CSPG5: variants seen among roughly 807,000 people sequenced by gnomAD.
The protein encoded by CSPG5 is acidic leucine-rich EGF-like domain-containing brain protein.
A neutral mutation model predicts 39.8 loss-of-function variants in CSPG5; 25 were observed. The observed-to-expected ratio is 0.63, with a 90% CI of 0.46 to 0.88. CSPG5 has a LOEUF of 0.88. CSPG5 is among the 40% of genes least tolerant of loss of function. CSPG5 has a pLI of 0.00. For synonymous variants in CSPG5, 295 were observed against 303.9 expected, an observed-to-expected ratio of 0.97 and a Z score of 0.31; for missense variants, 627 against 702.2, an observed-to-expected ratio of 0.89 and a Z score of 1.21.
In CSPG5 at chr3:47,572,798, C is replaced by T. The variant is rs763059345; in HGVS notation, c.1270G>A (p.Val424Met). ...SIITDFQVMC[V>M]AVGSAALVLL... ...ACGAGGGCAGCCGAGCCCACGGCCA[C>T]GCACATCACCTGGAAGTCGGTGATG... The change falls in exon 3 of 5, where the codon GTG becomes ATG. Residue 424 changes from valine (V) to methionine (M), a missense_variant. Physicochemically the swap from Val to Met is conservative, Grantham distance 21. Transcript: ENST00000264723. This position sits in a 1 kb window ranked among gnomAD's most constrained non-coding sequence, Gnocchi z 4.5. 9 of 1,614,116 alleles carry T rather than the reference C, an allele frequency of 5.6e-6. No homozygotes were observed. The highest frequency in any genetic ancestry group is 1.7e-4 in the Middle Eastern group (1 of 6,060).
In CSPG5 at chr3:47,562,474, C is replaced by T; in HGVS notation, c.*126G>A. On this transcript the variant is annotated 3_prime_UTR_variant, in exon 5 of 5. Coordinates refer to ENST00000264723, the MANE Select transcript of CSPG5 (RefSeq NM_006574.4). ...CTGTACAAAATACATAAAAGCATGC[C>T]ATGAGATCAGAAAAAGAAAAGAGTT... 1.0e-6 allele frequency: 1 copy of T among 960,238 alleles called. No homozygotes were observed. The highest frequency in any genetic ancestry group is 1.5e-6 in the Non-Finnish European group (1 of 650,902). 59.5% of individuals were successfully genotyped at this position (960,238 alleles called of 1,614,324 possible).
chr3:47,579,815 G>T (rs1469403863), upstream of CSPG5: 1 of 152,272 alleles, frequency 6.6e-6, no homozygotes, highest in African/African-American at 2.4e-5. This position sits in a 1 kb window ranked among gnomAD's most constrained non-coding sequence, Gnocchi z 4.2. Context: ...CTGCTTAGTC[G>T]GCAGGAGGAA....
intron 2 of CSPG5, among the ~76,000 whole-genome samples, chr3:47,575,054 C>T (rs1477843241): frequency 6.6e-6 from 1 of 152,178 alleles, no homozygotes; most frequent in Non-Finnish European, 1.5e-5. Context: ...TATACTACAT[C>T]AAGACCTAAG....
At chr3:47,562,782 G>C (rs9842590) in intron 4 of CSPG5, 21 bp from the exon 5 acceptor site, 49 of 1,566,944 alleles carry the variant, frequency 3.1e-5, no homozygotes, top group Middle Eastern at 2.0e-4. Context: ...GAAAAAGTTG[G>C]GGGGGGGGAG....
In CSPG5 at chr3:47,577,940, A is replaced by G. The variant is rs1429983721; in HGVS notation, c.98-12T>C. The G allele has an allele frequency of 1.4e-6, 2 of 1,412,280 alleles. No homozygotes were observed. The highest frequency in any genetic ancestry group is 1.8e-6 in the Non-Finnish European group (2 of 1,095,746). The allele number at this position is 1,412,280 out of a possible 1,614,324, so 87.5% of individuals were successfully genotyped here. A position where few individuals can be genotyped will look rare whatever the true frequency, so the allele number is the denominator to read the frequency against. On this transcript the variant is annotated splice_polypyrimidine_tract_variant and intron_variant, in intron 1 of 4. Coordinates refer to ENST00000264723, the MANE Select transcript of CSPG5 (RefSeq NM_006574.4). This position sits in a 1 kb window ranked among gnomAD's most constrained non-coding sequence, Gnocchi z 4.7. ...GCCCGCCTCACGCGCTGCGGGCGGG[A>G]GGGCAAGGGGCGGGACGTCAGGGCG...
chr3:47,575,769 C>T (rs561397567), intron 2 of CSPG5, among the ~76,000 whole-genome samples: 86 of 152,156 alleles, frequency 5.7e-4, no homozygotes, highest in Middle Eastern at 3.4e-3. Flanking sequence ...CCCCTCCTCC[C>T]GCCGAGCACA....
intron 4 of CSPG5, among the ~76,000 whole-genome samples, chr3:47,563,307 T>G (rs2031161643): frequency 6.6e-6 from 1 of 152,200 alleles, no homozygotes; most frequent in Non-Finnish European, 1.5e-5. Flanking sequence ...CAAAGATGTG[T>G]CAGCCTCTCA....
rs1252282415 is a variant in CSPG5, at chr3:47,572,993, A to T, written c.1194-119T>A. On this transcript the variant is annotated intron_variant, in intron 2 of 4. Coordinates refer to ENST00000264723, the MANE Select transcript of CSPG5 (RefSeq NM_006574.4). The surrounding 1 kb of genome is among the most constrained non-coding windows in gnomAD (Gnocchi z 4.5). ...GCCTGTTCCGAAGGCCATCTAGAGGAACTGCAATGCTCCGAATCTGCACAG... is the reference window on the plus strand; with the variant it reads ...GCCTGTTCCGAAGGCCATCTAGAGGTACTGCAATGCTCCGAATCTGCACAG... 1.3e-6 allele frequency: 1 copy of T among 771,828 alleles called. No individual in the cohort carries two copies. Among genetic ancestry groups the T allele is most frequent in the Non-Finnish European group, 2.1e-6 (1 of 487,638 alleles). The allele number at this position is 771,828 out of a possible 1,614,324, so 47.8% of individuals were successfully genotyped here.
chr3:47,566,707 G>A (rs1318129373), intron 4 of CSPG5, among the ~76,000 whole-genome samples: 2 of 152,210 alleles, frequency 1.3e-5, no homozygotes, highest in African/African-American at 4.8e-5. Flanking sequence ...CCAGCCTCAA[G>A]ATCCAAGAGG....
intron 3 of CSPG5, among the ~76,000 whole-genome samples, chr3:47,571,817 C>T (rs1275045800): frequency 1.3e-5 from 2 of 152,154 alleles, no homozygotes; most frequent in African/African-American, 4.8e-5. Context: ...TCTCTGGGGT[C>T]CCAAGGAAGC....
rs544485705 is a variant in CSPG5 at position 47,574,929 on chromosome 3, A to G, written c.1193+1904T>C. Among the ~76,000 whole-genome samples the G allele has an allele frequency of 2.6e-5, 4 of 152,258 alleles. No homozygotes were observed. In the South Asian group the frequency reaches 8.3e-4, roughly 32 times the overall value. ...ACTCCAGCCTGGACGACAGAGTGAG[A>G]CTCCGTCTCTAAAAACAACAACAAC... On this transcript the variant is annotated intron_variant, in intron 2 of 4. Coordinates refer to ENST00000264723, the MANE Select transcript of CSPG5 (RefSeq NM_006574.4).
chr3:47,569,000 G>T, intron 4 of CSPG5, 152 bp downstream of exon 4: 1 of 1,349,348 alleles, frequency 7.4e-7, no homozygotes, highest in Non-Finnish European at 9.8e-7. Flanking sequence ...TTCATATTCT[G>T]AAATAGACAT....
At chr3:47,568,509 G>A (rs1196109787) in intron 4 of CSPG5, among the ~76,000 whole-genome samples, 2 of 152,224 alleles carry the variant, frequency 1.3e-5, no homozygotes, top group Non-Finnish European at 2.9e-5. Flanking sequence ...TTAACCAGCT[G>A]TGTATAACCC....
chr3:47,564,716 G>A (rs2031224081), intron 4 of CSPG5, among the ~76,000 whole-genome samples: 1 of 152,026 alleles, frequency 6.6e-6, no homozygotes, highest in Admixed American at 6.6e-5. Context: ...AAAAAGTAAG[G>A]GGTAGAACAT....
At position 47,577,682 on chromosome 3, in the gene CSPG5, G is replaced by T; in HGVS notation, c.344C>A (p.Ala115Glu). The T allele has an allele frequency of 1.3e-6, 2 of 1,593,620 alleles. No homozygotes were observed. The highest frequency in any genetic ancestry group is 1.1e-5 in the South Asian group (1 of 88,022). ...SPGLGGVTAE[A>E]GSGDAQALPA... ...AAGGGCCTGGGCATCGCCGCTGCCC[G>T]CCTCTGCGGTCACTCCTCCCAGGCC... Residue 115 changes from alanine to glutamate, a missense_variant, in exon 2 of 5, where the codon GCG becomes GAG. Transcript: ENST00000264723. The surrounding 1 kb of genome is among the most constrained non-coding windows in gnomAD (Gnocchi z 4.7).
At chr3:47,566,346 C>T (rs1421387733) in intron 4 of CSPG5, among the ~76,000 whole-genome samples, 1 of 152,210 alleles carries the variant, frequency 6.6e-6, no homozygotes, top group Admixed American at 6.5e-5. Context: ...CCCGTATCAT[C>T]TGGAGGATCT....
intron 2 of CSPG5, among the ~76,000 whole-genome samples, chr3:47,575,637 C>T (rs1488796903): frequency 6.6e-6 from 1 of 152,224 alleles, no homozygotes; most frequent in Non-Finnish European, 1.5e-5. Flanking sequence ...AACACCCGCA[C>T]ATCTGCAATG....
At chr3:47,568,996 T>C in intron 4 of CSPG5, 156 bp downstream of exon 4, 1 of 1,315,740 alleles carries the variant, frequency 7.6e-7, no homozygotes, top group Non-Finnish European at 1.0e-6. Flanking sequence ...GGATTTCATA[T>C]TCTGAAATAG....
intron 2 of CSPG5, among the ~76,000 whole-genome samples, chr3:47,574,963 G>T (rs986860267): frequency 4.6e-5 from 7 of 152,010 alleles, no homozygotes; most frequent in East Asian, 1.9e-4. Context: ...ACAAAAAAAA[G>T]AACTTCATAG....
Sources: allele counts gnomAD v4.1 joint callset (sites outside exome capture counted in the v4.1 genomes callset), GRCh38; gene constraint gnomAD v4.1.1; non-coding constraint Gnocchi (gnomAD v3.1); transcripts MANE v1.5; gene names NCBI Gene and HGNC (gene_info 2026-07-23, HGNC 2026-07-21).